KDM4C: variants seen among roughly 807,000 people sequenced by gnomAD.
The protein encoded by KDM4C is lysine-specific demethylase 4C.
KDM4C carries 81 observed loss-of-function variants against 129.3 expected under a neutral mutation model. The observed-to-expected ratio is 0.63, with a 90% confidence interval of 0.52 to 0.75. The LOEUF is 0.75. Among genes scored for constraint, KDM4C ranks in the 30% least tolerant of loss-of-function variants. KDM4C has a pLI of 0.00. For synonymous variants in KDM4C, 573 were observed against 456.1 expected (o/e 1.26, Z -3.26); for missense variants, 1,457 against 1,304.0 (o/e 1.12, Z -1.81).
intron 6 of KDM4C, 131 bp downstream of exon 6, chr9:6,880,192 C>G (rs1006420969): frequency 4.4e-6 from 2 of 455,638 alleles, no homozygotes; most frequent in African/African-American, 2.0e-5. Flanking sequence ...AAGTTATTGA[C>G]TTTTACATGT....
chr9:6,849,895 C>G (rs568784081), intron 5 of KDM4C, among the ~76,000 whole-genome samples, 195 bp downstream of exon 5: 1 of 152,274 alleles, frequency 6.6e-6, no homozygotes, highest in South Asian at 2.1e-4. Context: ...CCCATGGTAA[C>G]TCGTACAGTC....
chr9:7,100,644 G>A (rs1276017875), intron 17 of KDM4C, among the ~76,000 whole-genome samples: 1 of 152,172 alleles, frequency 6.6e-6, no homozygotes, highest in Non-Finnish European at 1.5e-5. Context: ...TCAGCCTAAA[G>A]ATCTTTAGAA....
intron 5 of KDM4C, among the ~76,000 whole-genome samples, chr9:6,875,180 A>G (rs1044809878): frequency 6.6e-6 from 1 of 152,104 alleles, no homozygotes; most frequent in African/African-American, 2.4e-5. Flanking sequence ...AATATGGTTT[A>G]TCATTTGAGA....
Position 6,822,694 on chromosome 9 carries a change from G to A in KDM4C, c.435+7949G>A, listed in dbSNP as rs1399239830. 5.3e-5 allele frequency among the ~76,000 whole-genome samples: 8 copies of A among 152,274 alleles called. No individual in the cohort carries two copies. In the East Asian group the frequency reaches 1.3e-3, roughly 26 times the overall value. ...TAAAATACTCAGCCTTCTGTTAGAC[G>A]CAGCACAGGAGTTTCTTCGGGAAAC... On this transcript the variant is annotated intron_variant, in intron 4 of 21. Transcript: ENST00000381309.
chr9:6,756,718 A>T (rs1818311194), upstream of KDM4C, among the ~76,000 whole-genome samples: 1 of 152,202 alleles, frequency 6.6e-6, no homozygotes, highest in Non-Finnish European at 1.5e-5. Flanking sequence ...CTCCGTCTCA[A>T]AAAAGAGTGT....
chr9:7,062,228 A>T (rs535976227), intron 17 of KDM4C, among the ~76,000 whole-genome samples: 1 of 152,256 alleles, frequency 6.6e-6, no homozygotes, highest in African/African-American at 2.4e-5. Flanking sequence ...TTGGCCTCCC[A>T]AAGTGCTGGG....
intron 8 of KDM4C, among the ~76,000 whole-genome samples, chr9:6,966,722 T>C (rs1831041832): frequency 6.6e-6 from 1 of 151,948 alleles, no homozygotes; most frequent in Non-Finnish European, 1.5e-5. Context: ...AACCATCCAG[T>C]AGGGAAAAAA....
chr9:6,866,656 A>C (rs894105541), intron 5 of KDM4C, among the ~76,000 whole-genome samples: 5 of 152,122 alleles, frequency 3.3e-5, no homozygotes, highest in Non-Finnish European at 5.9e-5. Context: ...CCTCCTAGGA[A>C]ACCCACAATG....
upstream of KDM4C, among the ~76,000 whole-genome samples, chr9:6,753,569 T>C (rs1297790372): frequency 6.6e-6 from 1 of 152,138 alleles, no homozygotes; most frequent in Non-Finnish European, 1.5e-5. Context: ...TCATCTCACC[T>C]GGCAGACTGG....
At chr9:7,001,334 A>G (rs994573459) in intron 12 of KDM4C, among the ~76,000 whole-genome samples, 2 of 152,252 alleles carry the variant, frequency 1.3e-5, no homozygotes, top group Non-Finnish European at 2.9e-5. Context: ...TGAGTGTTAC[A>G]TAAATATTTC....
intron 15 of KDM4C, among the ~76,000 whole-genome samples, chr9:7,018,294 A>T (rs115441359): frequency 5.3e-5 from 8 of 152,328 alleles, no homozygotes; most frequent in African/African-American, 1.7e-4. Flanking sequence ...ACAGCCTTAC[A>T]ATCTTATGGG....
At chr9:6,822,122 GA>G (rs1199379651) in intron 4 of KDM4C, among the ~76,000 whole-genome samples, 1 of 152,186 alleles carries the variant, frequency 6.6e-6, no homozygotes, top group Non-Finnish European at 1.5e-5. Flanking sequence ...ATATATTGAA[GA>G]GCAGGGTTTG....
chr9:6,876,154 C>A (rs573342883), intron 5 of KDM4C, among the ~76,000 whole-genome samples: 9 of 152,284 alleles, frequency 5.9e-5, no homozygotes, highest in African/African-American at 1.9e-4. Flanking sequence ...ATTGTTTGAA[C>A]TGATACTTTT....
chr9:7,124,065 C>A (rs1839782853), intron 18 of KDM4C, among the ~76,000 whole-genome samples: 1 of 152,168 alleles, frequency 6.6e-6, no homozygotes, highest in South Asian at 2.1e-4. Flanking sequence ...CTTTGTGCTT[C>A]ATCCTGTTTC....
At chr9:6,941,435 A>G (rs1261733279) in intron 8 of KDM4C, among the ~76,000 whole-genome samples, 1 of 152,228 alleles carries the variant, frequency 6.6e-6, no homozygotes, top group Non-Finnish European at 1.5e-5. Flanking sequence ...CAGAGAGCAT[A>G]TATTTTAGAA....
intron 14 of KDM4C, chr9:7,014,211 A>G: frequency 2.1e-6 from 1 of 476,010 alleles, no homozygotes; most frequent in South Asian, 3.9e-5. Context: ...CGTGGAGAGC[A>G]GGTCTGGTTT....
At chr9:7,034,298 A>G (rs1827270440) in intron 15 of KDM4C, among the ~76,000 whole-genome samples, 1 of 152,226 alleles carries the variant, frequency 6.6e-6, no homozygotes, top group African/African-American at 2.4e-5. Flanking sequence ...ACAGAAATAT[A>G]GAACTTAGTC....
chr9:7,019,539 A>T (rs1471674298), intron 15 of KDM4C, among the ~76,000 whole-genome samples: 1 of 151,564 alleles, frequency 6.6e-6, no homozygotes, highest in Admixed American at 6.6e-5. Context: ...GAGACACGTG[A>T]TTATACAACA....
At chr9:6,859,562 C>A (rs1467757383) in intron 5 of KDM4C, among the ~76,000 whole-genome samples, 2 of 147,150 alleles carry the variant, frequency 1.4e-5, no homozygotes, top group Non-Finnish European at 3.0e-5. Context: ...TTTTTTTGCC[C>A]CATTTTAAAA....
Sources: allele counts gnomAD v4.1 joint callset (sites outside exome capture counted in the v4.1 genomes callset), GRCh38; gene constraint gnomAD v4.1.1; transcripts MANE v1.5; gene names NCBI Gene and HGNC (gene_info 2026-07-23, HGNC 2026-07-21).